Variants in PER2 observed in about 807,000 individuals in gnomAD.
PER2 encodes period circadian regulator 2, also known as period circadian protein homolog 2.
In PER2, 66 loss-of-function variants were observed where a neutral mutation model predicts 121.0. That is an observed-to-expected ratio of 0.55 (90% CI 0.45 to 0.67). The LOEUF is 0.67. Among genes scored for constraint, PER2 ranks in the 30% least tolerant of loss-of-function variants. The pLI is 0.00. For synonymous variants in PER2, 684 were observed against 659.9 expected, an observed-to-expected ratio of 1.04 and a Z score of -0.56; for missense variants, 1,521 against 1,635.0, an observed-to-expected ratio of 0.93 and a Z score of 1.20.
intron 4 of PER2, among the ~76,000 whole-genome samples, chr2:238,274,715 G>A (rs1056765769): frequency 2.0e-5 from 3 of 152,210 alleles, no homozygotes; most frequent in South Asian, 2.1e-4. Context: ...CTCCATGGTG[G>A]GGTGCTCATC....
In PER2 at chr2:238,268,885, C is replaced by T. The variant is rs377727027; in HGVS notation, c.824+38G>A. ...GCAGTGCTGGGGTGAAATGTTTATA[C>T]GGTTTTCTAATTTAAGAAAACTGGG... On this transcript the variant is annotated intron_variant, in intron 7 of 22. Coordinates refer to ENST00000254657, the MANE Select transcript of PER2 (RefSeq NM_022817.3). This position sits in a 1 kb window ranked among gnomAD's most constrained non-coding sequence, Gnocchi z 4.0. 9.3e-6 allele frequency: 14 copies of T among 1,500,032 alleles called. No homozygotes were observed. Among genetic ancestry groups the T allele is most frequent in the South Asian group, 3.4e-5 (3 of 88,742 alleles). 92.9% of individuals were successfully genotyped at this position (1,500,032 alleles called of 1,614,324 possible). A position where few individuals can be genotyped will look rare whatever the true frequency, so the allele number is the denominator to read the frequency against.
intron 1 of PER2, among the ~76,000 whole-genome samples, chr2:238,284,734 G>A (rs190907327): frequency 3.1e-4 from 47 of 152,310 alleles, no homozygotes; most frequent in Middle Eastern, 6.8e-3. Flanking sequence ...CTGGTGCCCC[G>A]ACATTACCTT....
rs1326990964 is a variant in PER2, at chr2:238,268,916, G to A, written c.824+7C>T. 1 of 1,604,430 alleles carries A rather than the reference G, an allele frequency of 6.2e-7. No individual in the cohort carries two copies. The highest frequency in any genetic ancestry group is 8.5e-7 in the Non-Finnish European group (1 of 1,171,106). ...TCTAATTTAAGAAAACTGGGAACCA[G>A]GCTTACCTGACACGGCAAAAGAAAG... On this transcript the variant is annotated splice_region_variant and intron_variant, in intron 7 of 22. Coordinates refer to ENST00000254657, the MANE Select transcript of PER2 (RefSeq NM_022817.3). This position sits in a 1 kb window ranked among gnomAD's most constrained non-coding sequence, Gnocchi z 4.0.
At chr2:238,265,939 C>T (rs1244301274) in intron 8 of PER2, among the ~76,000 whole-genome samples, 1 of 149,158 alleles carries the variant, frequency 6.7e-6, no homozygotes. Context: ...AGTCTTGCTG[C>T]GTTGCCCAGG....
intron 1 of PER2, among the ~76,000 whole-genome samples, chr2:238,287,624 G>A (rs2106334954): frequency 6.6e-6 from 1 of 152,354 alleles, no homozygotes; most frequent in African/African-American, 2.4e-5. Flanking sequence ...TCCTGCCCCA[G>A]GACGATGGGA....
At position 238,257,021 on chromosome 2, in the gene PER2, G is replaced by T; in HGVS notation, c.1966C>A (p.Leu656Met). 2 of 1,613,570 alleles carry T rather than the reference G, an allele frequency of 1.2e-6. No individual in the cohort carries two copies. Among genetic ancestry groups the T allele is most frequent in the Non-Finnish European group, 1.7e-6 (2 of 1,179,854 alleles). The change falls in exon 17 of 23, where the codon CTG becomes ATG. Residue 656 changes from leucine (L) to methionine (M), a missense_variant. Coordinates refer to ENST00000254657, the MANE Select transcript of PER2 (RefSeq NM_022817.3). ...GVGTHLTSLA[L>M]PGKAESVASL... ...GCCACACTCTCTGCCTTGCCCGGCA[G>T]TGCCAGCGAGGTCAGGTGCGTACCT...
chr2:238,278,103 T>TC (rs1696514686), intron 1 of PER2, 148 bp from the exon 2 acceptor site: 8 of 922,500 alleles, frequency 8.7e-6, no homozygotes, highest in African/African-American at 8.2e-5. Context: ...TCTCTCTCTC[T>TC]TTCTTTCTTT....
At chr2:238,295,082 G>C (rs565788551), upstream of PER2, among the ~76,000 whole-genome samples, 2 of 152,346 alleles carry the variant, frequency 1.3e-5, no homozygotes, top group East Asian at 3.9e-4. Context: ...TGCTTCTGTG[G>C]CTCACAGAGT....
intron 4 of PER2, 36 bp from the exon 5 acceptor site, chr2:238,273,227 C>T (rs374240782): frequency 3.7e-6 from 6 of 1,608,504 alleles, no homozygotes; most frequent in Non-Finnish European, 3.4e-6. Context: ...GTGGGCAGAA[C>T]CCAGCGCTTG....
chr2:238,267,959 C>G, intron 8 of PER2, 97 bp downstream of exon 8: 1 of 1,383,938 alleles, frequency 7.2e-7, no homozygotes, highest in Non-Finnish European at 1.0e-6. Flanking sequence ...GGAACTGCAG[C>G]GGGGAGTCCA....
At chr2:238,289,612 G>A (rs1411540007), upstream of PER2, 1 of 152,236 alleles carries the variant, frequency 6.6e-6, no homozygotes, top group Non-Finnish European at 1.5e-5. Context: ...TAAATTGGGC[G>A]ATGTGGGCTA....
chr2:238,249,794 T>C (rs1006159580), intron 21 of PER2, among the ~76,000 whole-genome samples: 1 of 152,254 alleles, frequency 6.6e-6, no homozygotes, highest in African/African-American at 2.4e-5. Flanking sequence ...TATAAGTATT[T>C]GGCAGTTCCT....
At position 238,251,710 on chromosome 2, in the gene PER2, C is replaced by T. The variant is rs1402470714; in HGVS notation, c.3163G>A (p.Gly1055Ser). ...QNSDALSTSS[G>S]LLNLLLNEDL... The stretch of plus-strand genomic sequence containing the variant: ...TCATTCAGCAGGAGGTTTAGGAGGC[C>T]GCTTGACGTGGAAAGGGCGTCACTG... The change falls in exon 20 of 23, where the codon GGC (glycine) becomes AGC (serine). Residue 1055 changes from glycine to serine, a missense_variant. Physicochemically the swap from Gly to Ser is moderately conservative, Grantham distance 56. Coordinates refer to ENST00000254657, the MANE Select transcript of PER2 (RefSeq NM_022817.3). 3 of 1,613,794 alleles carry T rather than the reference C, an allele frequency of 1.9e-6. No homozygotes were observed. Among genetic ancestry groups the T allele is most frequent in the Non-Finnish European group, 2.5e-6 (3 of 1,179,906 alleles).
At chr2:238,287,299 G>A (rs912474223) in intron 1 of PER2, among the ~76,000 whole-genome samples, 5 of 152,230 alleles carry the variant, frequency 3.3e-5, no homozygotes, top group African/African-American at 1.2e-4. Flanking sequence ...CTTCATTATA[G>A]TCATATAGCA....
intron 17 of PER2, among the ~76,000 whole-genome samples, chr2:238,256,500 T>C (rs1332691019): frequency 6.6e-6 from 1 of 152,214 alleles, no homozygotes; most frequent in Non-Finnish European, 1.5e-5. Flanking sequence ...GTAAATCTGT[T>C]TACCACCTGT....
rs754745652 is a variant in PER2, at chr2:238,277,810, T to A, written c.127A>T (p.Thr43Ser). The A allele has an allele frequency of 1.2e-6, 2 of 1,614,176 alleles. No individual in the cohort carries two copies. Among genetic ancestry groups the A allele is most frequent in the Non-Finnish European group, 1.7e-6 (2 of 1,180,034 alleles). Residue 43 changes from threonine (T) to serine (S), a missense_variant, in exon 2 of 23, where the codon ACC becomes TCC. Physicochemically the swap from Thr to Ser is moderately conservative, Grantham distance 58. Transcript: ENST00000254657. ...DMSSGSSGHE[T>S]NENCSTGRDS... The stretch of plus-strand genomic sequence containing the variant: ...CGCCCCGTGGAGCAGTTTTCGTTGG[T>A]CTCATGTCCACTGGAGCCACTGCTC...
At chr2:238,271,646 TA>T (rs2106317946) in intron 5 of PER2, 133 bp from the exon 6 acceptor site, 1 of 707,844 alleles carries the variant, frequency 1.4e-6, no homozygotes, top group East Asian at 2.7e-5. Context: ...CTCCCTTGCC[TA>T]GCCCTCACCA....
intron 17 of PER2, among the ~76,000 whole-genome samples, chr2:238,256,500 T>A (rs1332691019): frequency 1.3e-5 from 2 of 152,214 alleles, no homozygotes; most frequent in Non-Finnish European, 2.9e-5. Flanking sequence ...GTAAATCTGT[T>A]TACCACCTGT....
At chr2:238,267,359 G>A (rs896964319) in intron 8 of PER2, among the ~76,000 whole-genome samples, 1 of 152,198 alleles carries the variant, frequency 6.6e-6, no homozygotes, top group Admixed American at 6.5e-5. Context: ...ATATTATTTT[G>A]GGGGTGGGGT....
Sources: gnomAD v4.1 joint callset for allele counts (sites outside exome capture counted in the v4.1 genomes callset) on GRCh38, gnomAD v4.1.1 for gene constraint, Gnocchi (gnomAD v3.1) non-coding constraint, MANE v1.5 for transcripts, NCBI Gene and HGNC (gene_info 2026-07-23, HGNC 2026-07-21) for gene names.